CACNG7: variants seen among roughly 807,000 people sequenced by gnomAD.
The protein encoded by CACNG7 is voltage-dependent calcium channel gamma-7 subunit.
In CACNG7, 9 loss-of-function variants were observed where a neutral mutation model predicts 26.3. That is an observed-to-expected ratio of 0.34 (90% CI 0.21 to 0.60). The LOEUF is 0.60. Among genes scored for constraint, CACNG7 ranks in the 20% least tolerant of loss-of-function variants. The probability of loss-of-function intolerance (pLI) is 0.81; values close to 1 mark genes in which losing one functional copy is unlikely to be tolerated. For synonymous variants in CACNG7, 170 were observed against 157.0 expected (o/e 1.08, Z -0.62); for missense variants, 297 against 380.4 (o/e 0.78, Z 1.82).
At chr19:53,924,738 A>T (rs1160986320) in intron 4 of CACNG7, among the ~76,000 whole-genome samples, 2 of 146,800 alleles carry the variant, frequency 1.4e-5, no homozygotes, top group Admixed American at 1.4e-4. Flanking sequence ...GAGTTGCCCC[A>T]GGTCTGGTCA....
At chr19:53,921,634 T>TCCCCAGGTCTGGTCATTGGTGGACTTG (rs1409916281) in intron 4 of CACNG7, among the ~76,000 whole-genome samples, 41 of 44,604 alleles carry the variant, frequency 9.2e-4, no homozygotes, top group African/African-American at 3.2e-3. Context: ...GGTGGAGTCG[T>TCCCCAGGTCTGGTCATTGGTGGACTTG]CCCCAGGTCT....
At chr19:53,911,713 G>T (rs1043225728) in intron 1 of CACNG7, among the ~76,000 whole-genome samples, 1 of 152,222 alleles carries the variant, frequency 6.6e-6, no homozygotes, top group African/African-American at 2.4e-5. Flanking sequence ...CCACAGGGCT[G>T]CGAGAGGACC....
rs1022239886 is a variant in CACNG7, at chr19:53,912,234, G to A, written c.-29-569G>A. ...TCTGGTGTTCACAACCGGGGGCTTC[G>A]ATCGTCACACAGAGACAGGGCTGCA... On this transcript the variant is annotated intron_variant, in intron 1 of 5. Coordinates refer to ENST00000391767, the MANE Select transcript of CACNG7 (RefSeq NM_031896.5). The surrounding 1 kb of genome is among the most constrained non-coding windows in gnomAD (Gnocchi z 4.6). Among the ~76,000 whole-genome samples, 2 of 152,066 alleles carry A rather than the reference G, an allele frequency of 1.3e-5. No individual in the cohort carries two copies. Among genetic ancestry groups the A allele is most frequent in the African/African-American group, 4.8e-5 (2 of 41,388 alleles).
intron 4 of CACNG7, among the ~76,000 whole-genome samples, chr19:53,920,192 C>A (rs2068931356): frequency 2.9e-5 from 2 of 70,072 alleles, no homozygotes; most frequent in Admixed American, 2.3e-4. Context: ...GTGGAGTTGC[C>A]CCAGGTCTGG....
chr19:53,928,963 G>T (rs1166523219), intron 4 of CACNG7, among the ~76,000 whole-genome samples: 1 of 151,828 alleles, frequency 6.6e-6, no homozygotes, highest in East Asian at 1.9e-4. Context: ...ACAAAAATTA[G>T]CCGGGCATGG....
rs2069132382 is a variant in CACNG7, at chr19:53,940,775, C to A, written c.425-695C>A. Among the ~76,000 whole-genome samples, 1 of 152,114 alleles carries A rather than the reference C, an allele frequency of 6.6e-6. No individual in the cohort carries two copies. On this transcript the variant is annotated intron_variant, in intron 4 of 5. Coordinates refer to ENST00000391767, the MANE Select transcript of CACNG7 (RefSeq NM_031896.5). This position sits in a 1 kb window ranked among gnomAD's most constrained non-coding sequence, Gnocchi z 4.1. ...CTTCTCTGGGCCTCATCCTTTAAGGCCGGGCGCGGTGGCTCAAACCTGTAA... is the reference window on the plus strand; with the variant it reads ...CTTCTCTGGGCCTCATCCTTTAAGGACGGGCGCGGTGGCTCAAACCTGTAA...
intron 4 of CACNG7, among the ~76,000 whole-genome samples, chr19:53,921,459 A>G (rs1197490292): frequency 7.0e-6 from 1 of 142,610 alleles, no homozygotes; most frequent in Non-Finnish European, 1.5e-5. Flanking sequence ...CAGGTCTGGT[A>G]TTGCTGGAGT....
At chr19:53,917,312 G>A (rs1358856550) in intron 4 of CACNG7, among the ~76,000 whole-genome samples, 3 of 152,150 alleles carry the variant, frequency 2.0e-5, no homozygotes, top group Admixed American at 1.3e-4. Flanking sequence ...TCAGGTTCTT[G>A]TAATTCAGTT....
intron 4 of CACNG7, among the ~76,000 whole-genome samples, chr19:53,927,873 A>C (rs1381412768): frequency 6.6e-6 from 1 of 151,662 alleles, no homozygotes; most frequent in Non-Finnish European, 1.5e-5. Flanking sequence ...AAAAGAAGGC[A>C]GCTAAGACAG....
rs2145893833 is a variant in CACNG7 at position 53,909,384 on chromosome 19, G to C, written c.-163G>C. ...GAGGCCGGGAGGGGGCCGGGACGCC[G>C]GGCTCCGGGGCGGGGGCGGGGGGCG... On this transcript the variant is annotated 5_prime_UTR_variant, in exon 1 of 6. Coordinates refer to ENST00000391767, the MANE Select transcript of CACNG7 (RefSeq NM_031896.5). The surrounding 1 kb of genome is among the most constrained non-coding windows in gnomAD (Gnocchi z 5.1). The C allele has an allele frequency of 6.7e-6, 1 of 148,884 alleles. No homozygotes were observed. Among genetic ancestry groups the C allele is most frequent in the African/African-American group, 2.4e-5 (1 of 41,128 alleles). The allele number at this position is 148,884 out of a possible 1,614,324, so 9.2% of individuals were successfully genotyped here.
In CACNG7 at chr19:53,939,985, T is replaced by C. The variant is rs2069127679; in HGVS notation, c.425-1485T>C. Reference sequence around the variant, plus strand: ...GAGGGGGTGAGCTGGGTTTCGTCCATGGACCATGGTTTGCCGACCACCGGT... The same window carrying C: ...GAGGGGGTGAGCTGGGTTTCGTCCACGGACCATGGTTTGCCGACCACCGGT... On this transcript the variant is annotated intron_variant, in intron 4 of 5. Coordinates refer to ENST00000391767, the MANE Select transcript of CACNG7 (RefSeq NM_031896.5). The surrounding 1 kb of genome is among the most constrained non-coding windows in gnomAD (Gnocchi z 4.2). Among the ~76,000 whole-genome samples, 1 of 152,132 alleles carries C rather than the reference T, an allele frequency of 6.6e-6. No homozygotes were observed. Among genetic ancestry groups the C allele is most frequent in the Non-Finnish European group, 1.5e-5 (1 of 68,010 alleles).
Position 53,942,230 on chromosome 19 carries a change from G to T in CACNG7, c.765G>T (p.Thr255=). 6.2e-7 allele frequency: 1 copy of T among 1,613,968 alleles called. No individual in the cohort carries two copies. The highest frequency in any genetic ancestry group is 8.5e-7 in the Non-Finnish European group (1 of 1,179,942). The change falls in exon 6 of 6, where the codon ACG becomes ACT. Residue 255 remains threonine (T), a synonymous_variant. Coordinates refer to ENST00000391767, the MANE Select transcript of CACNG7 (RefSeq NM_031896.5). This position sits in a 1 kb window ranked among gnomAD's most constrained non-coding sequence, Gnocchi z 5.9. The stretch of plus-strand genomic sequence containing the variant: ...CCAGCGACGTGTCCATCCAAATGAC[G>T]CAGAACTACCCTCCCGCCATCAAGT... ...DISSDVSIQM[T]QNYPPAIKYP... is the part of the protein sequence containing the mutation.
At chr19:53,925,229 CGGACTTGCCCCAGGTCTGGTCATTGGT>C (rs2069017381) in intron 4 of CACNG7, among the ~76,000 whole-genome samples, 1 of 78,678 alleles carries the variant, frequency 1.3e-5, no homozygotes, top group Non-Finnish European at 2.4e-5. Flanking sequence ...TGGTCATTGG[CGGACTTGCCCCAGGTCTGGTCATTGGT>C]GGAGTTGCCC....
intron 4 of CACNG7, among the ~76,000 whole-genome samples, chr19:53,934,716 T>C (rs2069094517): frequency 1.3e-5 from 2 of 151,948 alleles, no homozygotes; most frequent in Admixed American, 6.6e-5. Flanking sequence ...GAGGCTGCAG[T>C]GAGCCATGAT....
rs185901155 is a variant in CACNG7 at position 53,941,856 on chromosome 19, A to G, written c.571-180A>G. Among the ~76,000 whole-genome samples, 3 of 152,040 alleles carry G rather than the reference A, an allele frequency of 2.0e-5. No individual in the cohort carries two copies. The East Asian group carries it at 5.8e-4, about 30-fold the overall frequency. ...CTCCTGGGTCTTGAGGGAGGGGCCA[A>G]CCTGAGGGCTTGGACTCCTGAGGTC... On this transcript the variant is annotated intron_variant, in intron 5 of 5. Transcript: ENST00000391767.
At chr19:53,923,401 A>G (rs1045515785) in intron 4 of CACNG7, among the ~76,000 whole-genome samples, 2 of 111,310 alleles carry the variant, frequency 1.8e-5, no homozygotes, top group Non-Finnish European at 3.5e-5. Flanking sequence ...CAGGTCTGGT[A>G]TTGGTGGAGT....
At chr19:53,932,040 C>T (rs1425505706) in intron 4 of CACNG7, among the ~76,000 whole-genome samples, 1 of 151,288 alleles carries the variant, frequency 6.6e-6, no homozygotes, top group Admixed American at 6.6e-5. Context: ...GGATTACAGG[C>T]GTGAGCCACT....
intron 1 of CACNG7, among the ~76,000 whole-genome samples, chr19:53,910,420 G>A (rs2068855544): frequency 6.6e-6 from 1 of 152,164 alleles, no homozygotes; most frequent in South Asian, 2.1e-4. Flanking sequence ...GGGGAGGAGT[G>A]AGGGTTGTCT....
In CACNG7 at chr19:53,940,900, TAA is replaced by T. The variant is rs538726874; in HGVS notation, c.425-560_425-559del. Among the ~76,000 whole-genome samples the T allele has an allele frequency of 6.8e-6, 1 of 146,038 alleles. No individual in the cohort carries two copies. Among genetic ancestry groups the T allele is most frequent in the Non-Finnish European group, 1.5e-5 (1 of 66,036 alleles). ...TGAAACCCCGTCTCTACTAAAAATA[TAA>T]AAAAAAAAATTAGTCGGGAGTGGTG... On this transcript the variant is annotated intron_variant, in intron 4 of 5. Coordinates refer to ENST00000391767, the MANE Select transcript of CACNG7 (RefSeq NM_031896.5). The surrounding 1 kb of genome is among the most constrained non-coding windows in gnomAD (Gnocchi z 4.1).
Sources: allele counts gnomAD v4.1 joint callset (sites outside exome capture counted in the v4.1 genomes callset), GRCh38; gene constraint gnomAD v4.1.1; non-coding constraint Gnocchi (gnomAD v3.1); transcripts MANE v1.5; gene names NCBI Gene and HGNC (gene_info 2026-07-23, HGNC 2026-07-21).